The following INPP5A variants were observed in gnomAD, a reference collection of about 807,000 sequenced individuals.
INPP5A encodes the protein inositol polyphosphate-5-phosphatase A.
A neutral mutation model predicts 65.2 loss-of-function variants in INPP5A; 14 were observed. The ratio of observed to expected loss-of-function variants is 0.21; its 90% confidence interval spans 0.14 to 0.34. The LOEUF (loss-of-function observed/expected upper bound fraction) is 0.34, where lower values mean the gene tolerates loss of function less well. Among genes scored for constraint, INPP5A ranks in the 10% least tolerant of loss-of-function variants. INPP5A has a pLI of 1.00. For missense variants in INPP5A, 431 were observed against 545.6 expected (o/e 0.79, Z 2.09); for synonymous variants, 207 against 208.3 (o/e 0.99, Z 0.05).
intron 8 of INPP5A, among the ~76,000 whole-genome samples, chr10:132,721,105 C>T (rs1197027994): frequency 6.8e-6 from 1 of 147,906 alleles, no homozygotes; most frequent in South Asian, 2.2e-4. Flanking sequence ...CCTGGAGGAG[C>T]CTTAGACGAC....
chr10:132,551,657 C>T lies in INPP5A; in HGVS notation c.75+13486C>T, dbSNP rs114529022. On this transcript the variant is annotated intron_variant, in intron 1 of 15. Transcript: ENST00000368594. The surrounding 1 kb of genome is among the most constrained non-coding windows in gnomAD (Gnocchi z 5.3). ...TGTTTGCTGTAACGGCTGTGCCTCC[C>T]TCGCTGCTGCAGTGGGCAGTGTGTG... 0.014 allele frequency among the ~76,000 whole-genome samples: 2,106 copies of T among 152,298 alleles called. 45 individuals are homozygous for T. Among genetic ancestry groups the T allele is most frequent in the African/African-American group, 0.048 (2,001 of 41,548 alleles).
intron 9 of INPP5A, among the ~76,000 whole-genome samples, chr10:132,731,623 C>T (rs911275248): frequency 6.6e-6 from 1 of 152,190 alleles, no homozygotes; most frequent in East Asian, 1.9e-4. Context: ...AGGAAGGGCA[C>T]GCAGGAGGTG....
intron 1 of INPP5A, among the ~76,000 whole-genome samples, chr10:132,579,282 G>A (rs889148311): frequency 7.2e-5 from 11 of 152,132 alleles, no homozygotes; most frequent in African/African-American, 2.7e-4. Flanking sequence ...GGCTCCTGGT[G>A]TCTGGGGCTG....
At chr10:132,774,235 G>A (rs1847005185) in intron 12 of INPP5A, among the ~76,000 whole-genome samples, 1 of 152,244 alleles carries the variant, frequency 6.6e-6, no homozygotes, top group Non-Finnish European at 1.5e-5. Flanking sequence ...AGCATTGCCA[G>A]TGGTGCCTGC....
At chr10:132,583,615 G>A (rs998421822) in intron 1 of INPP5A, among the ~76,000 whole-genome samples, 5 of 152,088 alleles carry the variant, frequency 3.3e-5, no homozygotes, top group Admixed American at 6.6e-5. Context: ...TCTGCTGAGC[G>A]TTTTCGCCGT....
chr10:132,641,999 G>A (rs1244986340), intron 2 of INPP5A, among the ~76,000 whole-genome samples: 1 of 152,248 alleles, frequency 6.6e-6, no homozygotes, highest in Non-Finnish European at 1.5e-5. Context: ...ACCAGTGCTG[G>A]CGCATCACGG....
intron 8 of INPP5A, among the ~76,000 whole-genome samples, chr10:132,711,773 C>T (rs1418645483): frequency 1.3e-5 from 2 of 152,230 alleles, no homozygotes; most frequent in African/African-American, 4.8e-5. Flanking sequence ...CTGAGTCATT[C>T]CCAGGCCACC....
intron 12 of INPP5A, among the ~76,000 whole-genome samples, chr10:132,776,502 TCA>T (rs942688635): frequency 3.7e-4 from 57 of 152,322 alleles, no homozygotes; most frequent in African/African-American, 1.3e-3. Flanking sequence ...CAGGGAAATT[TCA>T]CAGAGAATCA....
chr10:132,779,424 G>A (rs1033500164), intron 13 of INPP5A, among the ~76,000 whole-genome samples: 2 of 152,280 alleles, frequency 1.3e-5, no homozygotes, highest in African/African-American at 4.8e-5. Context: ...GAGGTCACGC[G>A]AGTGCAGATT....
intron 11 of INPP5A, among the ~76,000 whole-genome samples, chr10:132,750,471 G>C (rs562964972): frequency 2.0e-5 from 3 of 152,360 alleles, no homozygotes; most frequent in South Asian, 4.1e-4. Flanking sequence ...ACCTGCTGTT[G>C]GTTTTGAAAT....
At chr10:132,750,491 T>TC (rs1846456069) in intron 11 of INPP5A, among the ~76,000 whole-genome samples, 1 of 152,214 alleles carries the variant, frequency 6.6e-6, no homozygotes, top group African/African-American at 2.4e-5. Context: ...TCGTGAGTCT[T>TC]CCCTTCAAGG....
chr10:132,559,850 T>C (rs1423821341), intron 1 of INPP5A, among the ~76,000 whole-genome samples: 1 of 152,280 alleles, frequency 6.6e-6, no homozygotes, highest in Non-Finnish European at 1.5e-5. Context: ...GACTGAATGC[T>C]GTTTATTGTG....
At chr10:132,573,977 G>T (rs2071384679) in intron 1 of INPP5A, among the ~76,000 whole-genome samples, 5 of 127,934 alleles carry the variant, frequency 3.9e-5, no homozygotes, top group East Asian at 4.9e-4. Context: ...TTGTTGAGAT[G>T]TTGGGGTGTA....
chr10:132,782,609 T>C lies in INPP5A; in HGVS notation c.*580T>C, dbSNP rs545898189. 2.1e-4 allele frequency: 32 copies of C among 149,782 alleles called. No homozygotes were observed. Among genetic ancestry groups the C allele is most frequent in the African/African-American group, 7.3e-4 (30 of 41,090 alleles). The allele number at this position is 149,782 out of a possible 1,614,324, so 9.3% of individuals were successfully genotyped here. On this transcript the variant is annotated 3_prime_UTR_variant, in exon 16 of 16. Coordinates refer to ENST00000368594, the MANE Select transcript of INPP5A (RefSeq NM_005539.5). This position sits in a 1 kb window ranked among gnomAD's most constrained non-coding sequence, Gnocchi z 4.4. ...TTCCATTTTTATATATATATAAATA[T>C]ATATAAATATATACTTTTTAAAAAT...
intron 4 of INPP5A, among the ~76,000 whole-genome samples, chr10:132,687,224 G>A (rs1005683854): frequency 2.0e-5 from 3 of 152,240 alleles, no homozygotes; most frequent in Non-Finnish European, 2.9e-5. Flanking sequence ...TATTACAGGC[G>A]TGAGCCACCA....
chr10:132,543,733 A>G (rs1186466423), intron 1 of INPP5A, among the ~76,000 whole-genome samples: 1 of 152,232 alleles, frequency 6.6e-6, no homozygotes, highest in Non-Finnish European at 1.5e-5. Flanking sequence ...ATTCCTGTTT[A>G]TGGCTGAATA....
intron 11 of INPP5A, among the ~76,000 whole-genome samples, chr10:132,765,492 GC>G (rs1411707762): frequency 6.6e-6 from 1 of 152,210 alleles, no homozygotes; most frequent in East Asian, 1.9e-4. Context: ...CCACGGCAGT[GC>G]CCGAGGCCAT....
chr10:132,745,250 G>A (rs1846348090), intron 9 of INPP5A, among the ~76,000 whole-genome samples: 1 of 152,166 alleles, frequency 6.6e-6, no homozygotes, highest in South Asian at 2.1e-4. Context: ...GATGCTCCTG[G>A]GGACACCTCC....
At chr10:132,552,746 T>C (rs192794076) in intron 1 of INPP5A, among the ~76,000 whole-genome samples, 1,274 of 123,564 alleles carry the variant, frequency 0.01, 14 homozygotes, top group Admixed American at 0.026. Context: ...GGAGGGAGGA[T>C]TGGTGAACGC....
Sources: gnomAD v4.1 joint callset for allele counts (sites outside exome capture counted in the v4.1 genomes callset) on GRCh38, gnomAD v4.1.1 for gene constraint, Gnocchi (gnomAD v3.1) non-coding constraint, MANE v1.5 for transcripts, NCBI Gene and HGNC (gene_info 2026-07-23, HGNC 2026-07-21) for gene names.